TBC1D5: variants seen among roughly 807,000 people sequenced by gnomAD.
TBC1D5 encodes the protein TBC1 domain family, member 5.
In TBC1D5, 75 loss-of-function variants were observed where a neutral mutation model predicts 100.3. The ratio of observed to expected loss-of-function variants is 0.75; its 90% CI spans 0.62 to 0.91. The LOEUF (loss-of-function observed/expected upper bound fraction) is 0.91, where lower values mean the gene tolerates loss of function less well. Among genes scored for constraint, TBC1D5 ranks in the 40% least tolerant of loss-of-function variants. TBC1D5 has a pLI of 0.00. For missense variants in TBC1D5, 910 were observed against 942.4 expected, an observed-to-expected ratio of 0.97 and a Z score of 0.45; for synonymous variants, 323 against 325.6, an observed-to-expected ratio of 0.99 and a Z score of 0.09.
intron 4 of TBC1D5, among the ~76,000 whole-genome samples, chr3:17,407,137 C>A (rs1430051390): frequency 6.6e-6 from 1 of 152,064 alleles, no homozygotes; most frequent in Admixed American, 6.6e-5. Flanking sequence ...TAAAGGCAAG[C>A]TTGAGTACCT....
intron 3 of TBC1D5, among the ~76,000 whole-genome samples, chr3:17,448,423 G>A (rs991454278): frequency 6.6e-6 from 1 of 152,154 alleles, no homozygotes; most frequent in African/African-American, 2.4e-5. Context: ...CTTTCCAGAA[G>A]GTTCCAATGT....
At chr3:17,692,271 T>C (rs2071286356) in intron 1 of TBC1D5, among the ~76,000 whole-genome samples, 1 of 152,030 alleles carries the variant, frequency 6.6e-6, no homozygotes, top group South Asian at 2.1e-4. Flanking sequence ...TTTGTATTTT[T>C]AGTAGAGACG....
intron 13 of TBC1D5, among the ~76,000 whole-genome samples, chr3:17,355,019 T>C (rs1212288524): frequency 6.6e-6 from 1 of 152,134 alleles, no homozygotes; most frequent in Admixed American, 6.6e-5. Context: ...AGCTGGGCAA[T>C]AGCTGAAAAT....
At chr3:17,696,171 A>G (rs531066035) in intron 1 of TBC1D5, among the ~76,000 whole-genome samples, 15 of 152,308 alleles carry the variant, frequency 9.8e-5, no homozygotes, top group Middle Eastern at 3.4e-3. Flanking sequence ...TCGACACCCT[A>G]ACATCACAAT....
At chr3:17,406,674 T>C (rs147135789) in intron 4 of TBC1D5, 148 bp from the exon 5 acceptor site, 4 of 615,122 alleles carry the variant, frequency 6.5e-6, no homozygotes, top group East Asian at 2.9e-5. Context: ...TCTGAACGCA[T>C]GGCTGTCTTT....
intron 14 of TBC1D5, among the ~76,000 whole-genome samples, chr3:17,298,586 A>G (rs1486074323): frequency 6.6e-6 from 1 of 152,186 alleles, no homozygotes; most frequent in African/African-American, 2.4e-5. Flanking sequence ...TGGAAGGAGA[A>G]AGTGGGTGGA....
At chr3:17,445,444 T>C (rs2094767297) in intron 3 of TBC1D5, among the ~76,000 whole-genome samples, 1 of 151,998 alleles carries the variant, frequency 6.6e-6, no homozygotes, top group Non-Finnish European at 1.5e-5. Context: ...ATATATAATA[T>C]ATAAGCCTCA....
chr3:17,306,895 G>A (rs1174210363), intron 14 of TBC1D5, among the ~76,000 whole-genome samples: 1 of 151,892 alleles, frequency 6.6e-6, no homozygotes, highest in South Asian at 2.1e-4. Context: ...TTCCTCTTAC[G>A]ACTTCCATGT....
chr3:17,663,029 C>T lies in TBC1D5; in HGVS notation c.-100-39116G>A, dbSNP rs547515823. The T allele has an allele frequency of 8.5e-5, 13 of 152,220 alleles. No individual in the cohort carries two copies. The South Asian group carries it at 2.7e-3, about 32-fold the overall frequency. The allele number at this position is 152,220 out of a possible 1,614,324, so 9.4% of individuals were successfully genotyped here. On this transcript the variant is annotated intron_variant, in intron 1 of 21. Transcript: ENST00000253692. Reference sequence around the variant, plus strand: ...CATTTCACAGATGCAGAAGCTGAGACTCAAGGTCGCAGTCAGCTGCAAGCA... The same window carrying T: ...CATTTCACAGATGCAGAAGCTGAGATTCAAGGTCGCAGTCAGCTGCAAGCA...
intron 8 of TBC1D5, among the ~76,000 whole-genome samples, chr3:17,397,113 C>A (rs2152381872): frequency 6.6e-6 from 1 of 152,106 alleles, no homozygotes; most frequent in East Asian, 1.9e-4. Flanking sequence ...CCAAACAGTA[C>A]AGCACATATC....
chr3:17,627,630 G>T (rs188872741), intron 1 of TBC1D5, among the ~76,000 whole-genome samples: 1 of 150,126 alleles, frequency 6.7e-6, no homozygotes, highest in Non-Finnish European at 1.5e-5. Flanking sequence ...AGAATGTACT[G>T]CAAGGAAGAA....
chr3:17,633,113 C>A (rs1005739059), intron 1 of TBC1D5, among the ~76,000 whole-genome samples: 1 of 152,126 alleles, frequency 6.6e-6, no homozygotes, highest in Admixed American at 6.6e-5. Flanking sequence ...ATACACCCTC[C>A]TGAAATATCC....
At chr3:17,549,454 G>A (rs1027473438) in intron 2 of TBC1D5, among the ~76,000 whole-genome samples, 4 of 152,166 alleles carry the variant, frequency 2.6e-5, no homozygotes, top group African/African-American at 9.6e-5. Flanking sequence ...ATCTAAAAAC[G>A]AGTCCTTGTT....
chr3:17,537,507 TG>T (rs771202290), intron 2 of TBC1D5, among the ~76,000 whole-genome samples: 3 of 152,282 alleles, frequency 2.0e-5, no homozygotes, highest in Middle Eastern at 3.4e-3. Context: ...TTCTGTCAGT[TG>T]GGGGGCTCAG....
At chr3:17,652,294 A>G (rs1437313002) in intron 1 of TBC1D5, among the ~76,000 whole-genome samples, 2 of 152,272 alleles carry the variant, frequency 1.3e-5, no homozygotes, top group Non-Finnish European at 2.9e-5. Context: ...AATATAAAGC[A>G]TTTTTAAAAA....
At chr3:17,701,470 TATA>T (rs777595130) in intron 1 of TBC1D5, among the ~76,000 whole-genome samples, 5 of 151,864 alleles carry the variant, frequency 3.3e-5, no homozygotes, top group Non-Finnish European at 7.4e-5. Flanking sequence ...GAACTTAAAG[TATA>T]ATAATAATAA....
At chr3:17,289,566 G>A (rs1011312940) in intron 15 of TBC1D5, among the ~76,000 whole-genome samples, 2 of 151,446 alleles carry the variant, frequency 1.3e-5, no homozygotes, top group African/African-American at 2.4e-5. Flanking sequence ...CCTGGGAGGC[G>A]GAGGTTGCAG....
At chr3:17,561,372 ACT>A (rs1367450202) in intron 2 of TBC1D5, among the ~76,000 whole-genome samples, 2 of 152,182 alleles carry the variant, frequency 1.3e-5, no homozygotes, top group African/African-American at 4.8e-5. Flanking sequence ...ATAGATTAAC[ACT>A]CTGCTAAATG....
At chr3:17,382,045 T>C (rs1047930616) in intron 9 of TBC1D5, among the ~76,000 whole-genome samples, 2 of 151,994 alleles carry the variant, frequency 1.3e-5, no homozygotes, top group Non-Finnish European at 2.9e-5. Context: ...TTTATAGAAG[T>C]TTTAATATCT....
Sources: allele counts gnomAD v4.1 joint callset (sites outside exome capture counted in the v4.1 genomes callset), GRCh38; gene constraint gnomAD v4.1.1; transcripts MANE v1.5; gene names NCBI Gene and HGNC (gene_info 2026-07-23, HGNC 2026-07-21).